The following ANKS1B variants were observed in gnomAD, a reference collection of about 807,000 sequenced individuals.
ANKS1B encodes the protein ankyrin repeat and sterile alpha motif domain containing 1B.
A neutral mutation model predicts 148.3 loss-of-function variants in ANKS1B; 36 were observed. The observed-to-expected ratio is 0.24, with a 90% confidence interval of 0.19 to 0.32. The LOEUF (loss-of-function observed/expected upper bound fraction) is 0.32. Among genes scored for constraint, ANKS1B ranks in the 10% least tolerant of loss-of-function variants. ANKS1B has a pLI of 1.00. For missense variants in ANKS1B, 1,157 were observed against 1,542.6 expected (o/e 0.75, Z 4.19); for synonymous variants, 542 against 560.8 (o/e 0.97, Z 0.47).
intron 17 of ANKS1B, among the ~76,000 whole-genome samples, chr12:98,912,054 C>T (rs576695291): frequency 6.6e-6 from 1 of 152,204 alleles, no homozygotes; most frequent in Non-Finnish European, 1.5e-5. Context: ...ACAGCAAACA[C>T]ATAGGATTTG....
intron 9 of ANKS1B, among the ~76,000 whole-genome samples, chr12:99,551,469 T>C (rs545168066): frequency 1.8e-4 from 26 of 144,032 alleles, no homozygotes; most frequent in Admixed American, 5.2e-4. Context: ...GCAGGAACCA[T>C]AACCTAACAG....
intron 12 of ANKS1B, among the ~76,000 whole-genome samples, chr12:99,264,684 C>T (rs2076267497): frequency 6.6e-6 from 1 of 152,220 alleles, no homozygotes. Context: ...TTAATGTCTC[C>T]AGCTCTTTCT....
At chr12:99,057,735 T>TGG (rs10656815) in intron 16 of ANKS1B, among the ~76,000 whole-genome samples, 16,225 of 152,190 alleles carry the variant, frequency 0.11, 956 homozygotes, top group South Asian at 0.22. Flanking sequence ...AGTGTCAGTG[T>TGG]GGTGGTTAGA....
chr12:99,124,419 T>TGTGTGTGTGTGTGTGTGTGTGG (rs1555273713), intron 15 of ANKS1B, among the ~76,000 whole-genome samples: 5 of 20,212 alleles, frequency 2.5e-4, no homozygotes, highest in African/African-American at 8.0e-4. Flanking sequence ...TTTGTGTGCA[T>TGTGTGTGTGTGTGTGTGTGTGG]GTGTGTGTGT....
intron 12 of ANKS1B, among the ~76,000 whole-genome samples, chr12:99,287,355 G>A (rs2079275877): frequency 6.6e-6 from 1 of 152,162 alleles, no homozygotes; most frequent in Admixed American, 6.5e-5. Flanking sequence ...AGCATGGAGT[G>A]CCCCCTAATG....
intron 1 of ANKS1B, among the ~76,000 whole-genome samples, chr12:99,958,007 C>T (rs538062148): frequency 4.4e-4 from 67 of 152,250 alleles, no homozygotes; most frequent in African/African-American, 1.5e-3. Context: ...AATAATTACA[C>T]GGCAGTATAC....
chr12:99,093,901 A>G (rs1599833000), intron 15 of ANKS1B, among the ~76,000 whole-genome samples: 2 of 152,182 alleles, frequency 1.3e-5, no homozygotes, highest in East Asian at 3.8e-4. Context: ...CTTAAGGGTG[A>G]AGGTAGTGGT....
At chr12:99,766,340 G>C (rs946355021) in intron 8 of ANKS1B, among the ~76,000 whole-genome samples, 1 of 152,092 alleles carries the variant, frequency 6.6e-6, no homozygotes, top group Non-Finnish European at 1.5e-5. Context: ...GATGTATCAA[G>C]AATGGTAAAA....
chr12:99,399,321 T>C (rs1043992958), intron 12 of ANKS1B, among the ~76,000 whole-genome samples: 1 of 152,106 alleles, frequency 6.6e-6, no homozygotes, highest in Non-Finnish European at 1.5e-5. Flanking sequence ...AAGTTGTCTG[T>C]TGATTAGTTG....
chr12:99,724,423 T>G (rs1422863288), intron 8 of ANKS1B, among the ~76,000 whole-genome samples: 1 of 152,084 alleles, frequency 6.6e-6, no homozygotes, highest in African/African-American at 2.4e-5. Context: ...AAGACCACCT[T>G]GCTGAAATAA....
rs181755541 is a variant in ANKS1B, at chr12:99,462,004, C to T, written c.1439-18195G>A. Among the ~76,000 whole-genome samples the T allele has an allele frequency of 2.6e-4, 40 of 152,250 alleles. 1 individual carries two copies. The East Asian group carries it at 6.8e-3, about 26-fold the overall frequency. ...ACCTATCAGTCCCTTTCCATCTTCA[C>T]ATTTACTTATTTAGTTTAGACACAA... On this transcript the variant is annotated intron_variant, in intron 10 of 26. Transcript: ENST00000683438.
intron 17 of ANKS1B, among the ~76,000 whole-genome samples, chr12:98,994,607 A>C (rs948470738): frequency 6.6e-6 from 1 of 152,138 alleles, no homozygotes; most frequent in Non-Finnish European, 1.5e-5. Context: ...TAAAAGATTG[A>C]GTGGCTTAAG....
chr12:99,035,453 C>T (rs2099954933), intron 17 of ANKS1B, among the ~76,000 whole-genome samples: 1 of 152,048 alleles, frequency 6.6e-6, no homozygotes, highest in Non-Finnish European at 1.5e-5. Context: ...AGATCAGACC[C>T]TTTTTTTGGT....
chr12:98,783,042 GT>G (rs2098752796), intron 22 of ANKS1B, among the ~76,000 whole-genome samples: 2 of 151,144 alleles, frequency 1.3e-5, no homozygotes, highest in South Asian at 4.1e-4. Flanking sequence ...GAATGCATAT[GT>G]GAAAAATTTT....
chr12:99,760,333 C>T (rs898354168), intron 8 of ANKS1B, among the ~76,000 whole-genome samples: 3 of 151,780 alleles, frequency 2.0e-5, no homozygotes, highest in African/African-American at 7.2e-5. Context: ...ACCATACCAA[C>T]CATATTTTTG....
intron 14 of ANKS1B, among the ~76,000 whole-genome samples, chr12:99,243,840 TG>T (rs1272636300): frequency 6.6e-6 from 1 of 151,566 alleles, no homozygotes; most frequent in African/African-American, 2.4e-5. Flanking sequence ...GGACACAGGG[TG>T]GGGAACATCA....
chr12:99,562,463 G>GA (rs1007523140), intron 9 of ANKS1B, among the ~76,000 whole-genome samples: 51 of 152,262 alleles, frequency 3.3e-4, no homozygotes, highest in African/African-American at 1.2e-3. Context: ...AATCTACATT[G>GA]AAAATCTGTT....
intron 17 of ANKS1B, among the ~76,000 whole-genome samples, chr12:98,964,195 G>A (rs1437872996): frequency 1.3e-5 from 2 of 152,086 alleles, no homozygotes; most frequent in African/African-American, 4.8e-5. Flanking sequence ...CATATGAAAA[G>A]GTGCTCAACA....
intron 8 of ANKS1B, among the ~76,000 whole-genome samples, chr12:99,743,777 A>C (rs561517490): frequency 2.0e-5 from 3 of 152,196 alleles, no homozygotes; most frequent in Non-Finnish European, 4.4e-5. Flanking sequence ...TTCCCAAGAC[A>C]ACAGCCTTAG....
Sources: allele counts gnomAD v4.1 joint callset (sites outside exome capture counted in the v4.1 genomes callset), GRCh38; gene constraint gnomAD v4.1.1; transcripts MANE v1.5; gene names NCBI Gene and HGNC (gene_info 2026-07-23, HGNC 2026-07-21).